MEGF8: variants seen among roughly 807,000 people sequenced by gnomAD.
The protein encoded by MEGF8 is multiple EGF like domains 8.
A neutral mutation model predicts 302.9 loss-of-function variants in MEGF8; 156 were observed. The ratio of observed to expected loss-of-function variants is 0.52; its 90% CI spans 0.45 to 0.59. MEGF8 has a LOEUF of 0.59. MEGF8 is among the 20% of genes least tolerant of loss of function. The pLI is 0.00. For synonymous variants in MEGF8, 1,621 were observed against 1,660.5 expected (o/e 0.98, Z 0.58); for missense variants, 3,345 against 3,964.5 (o/e 0.84, Z 4.20).
In MEGF8 at chr19:42,375,766, C is replaced by A. The variant is rs1453120838; in HGVS notation, c.7529C>A (p.Thr2510Asn). The A allele has an allele frequency of 6.2e-7, 1 of 1,613,042 alleles. No individual in the cohort carries two copies. The highest frequency in any genetic ancestry group is 8.5e-7 in the Non-Finnish European group (1 of 1,179,812). ...CTCTATGTCTCCACCTCCTATGACA[C>A]CTTCGTGGTCCGTGTGGCCCCTGAC... Reference protein sequence around the residue: ...VDLYVSTSYDTFVVRVAPDTG... With the variant: ...VDLYVSTSYDNFVVRVAPDTG... The change falls in exon 42 of 42, where the codon ACC becomes AAC. Residue 2510 changes from threonine (T) to asparagine (N), a missense_variant. By Grantham distance (65) the Thr-to-Asn change is moderately conservative. Coordinates refer to ENST00000251268, the MANE Select transcript of MEGF8 (RefSeq NM_001271938.2). The surrounding 1 kb of genome is among the most constrained non-coding windows in gnomAD (Gnocchi z 7.1).
Position 42,353,228 on chromosome 19 carries a change from A to C in MEGF8, c.3550+101A>C. The C allele has an allele frequency of 8.5e-7, 1 of 1,175,608 alleles. No individual in the cohort carries two copies. The highest frequency in any genetic ancestry group is 1.2e-6 in the Non-Finnish European group (1 of 850,822). 72.8% of individuals were successfully genotyped at this position (1,175,608 alleles called of 1,614,324 possible). The stretch of plus-strand genomic sequence containing the variant: ...TTGGAGGGGGCCTCAGTGTCCTCTC[A>C]TGCAGCTCTAGGTCCCCTGCCCCAT... On this transcript the variant is annotated intron_variant, in intron 20 of 41. Transcript: ENST00000251268. The surrounding 1 kb of genome is among the most constrained non-coding windows in gnomAD (Gnocchi z 6.1).
chr19:42,335,474 C>A, intron 5 of MEGF8, 89 bp downstream of exon 5: 2 of 1,176,034 alleles, frequency 1.7e-6, no homozygotes, highest in Non-Finnish European at 2.5e-6. Context: ...TCACCTAGTG[C>A]TCCCACAGTT....
At chr19:42,326,453 C>G in intron 1 of MEGF8, 23 bp downstream of exon 1, 1 of 1,506,528 alleles carries the variant, frequency 6.6e-7, no homozygotes, top group Non-Finnish European at 8.8e-7. Context: ...GCGTGGGTCA[C>G]TCACTAATTC....
At chr19:42,366,845 A>G (rs1349602783) in intron 35 of MEGF8, among the ~76,000 whole-genome samples, 4 of 152,166 alleles carry the variant, frequency 2.6e-5, no homozygotes, top group South Asian at 4.1e-4. Context: ...TTGTCCCACC[A>G]TCTGCCAACA....
chr19:42,343,928 C>G (rs756491938), intron 9 of MEGF8, 26 bp from the exon 10 acceptor site: 2 of 1,606,798 alleles, frequency 1.2e-6, no homozygotes, highest in African/African-American at 1.3e-5. Flanking sequence ...CCTTGCCTCC[C>G]CCTCTGTCCC....
At position 42,370,368 on chromosome 19, in the gene MEGF8, G is replaced by C; in HGVS notation, c.7005+9G>C. 1 of 1,559,420 alleles carries C rather than the reference G, an allele frequency of 6.4e-7. No homozygotes were observed. Among genetic ancestry groups the C allele is most frequent in the Non-Finnish European group, 8.7e-7 (1 of 1,152,014 alleles). ...CACTGGACCCAGAGGAGGTGAAAGAGAGGGGTCAGATGCCTGGGTCTGAGG... is the reference window on the plus strand; with the variant it reads ...CACTGGACCCAGAGGAGGTGAAAGACAGGGGTCAGATGCCTGGGTCTGAGG... On this transcript the variant is annotated intron_variant, in intron 39 of 41. Transcript: ENST00000251268.
In MEGF8 at chr19:42,370,735, A is replaced by G; in HGVS notation, c.7040A>G (p.Asp2347Gly). The change falls in exon 40 of 42, where the codon GAC becomes GGC. Residue 2347 changes from aspartate (D) to glycine (G), a missense_variant. Physicochemically the swap from Asp to Gly is moderately conservative, Grantham distance 94. Transcript: ENST00000251268. ...ENWVTEGPSE[D>G]EAVCVNCQNN... ...TGGGTGACAGAGGGTCCTAGTGAAGACGAGGCCGTGTGCGTGAACTGCCAG... is the reference window on the plus strand; with the variant it reads ...TGGGTGACAGAGGGTCCTAGTGAAGGCGAGGCCGTGTGCGTGAACTGCCAG... 2 of 1,589,126 alleles carry G rather than the reference A, an allele frequency of 1.3e-6. No individual in the cohort carries two copies. The highest frequency in any genetic ancestry group is 1.7e-6 in the Non-Finnish European group (2 of 1,167,914).
Position 42,350,292 on chromosome 19 carries a change from G to T in MEGF8, c.2644G>T (p.Gly882Trp). 1 of 1,609,592 alleles carries T rather than the reference G, an allele frequency of 6.2e-7. No individual in the cohort carries two copies. The change falls in exon 15 of 42, where the codon GGG (glycine) becomes TGG (tryptophan). Residue 882 changes from glycine (G) to tryptophan (W), a missense_variant. Coordinates refer to ENST00000251268, the MANE Select transcript of MEGF8 (RefSeq NM_001271938.2). ...CCTGCGCCAGGGCGGAGCCCATTGCGGGGATGACGGGGCTGGTGGGTCCCT... is the reference window on the plus strand; with the variant it reads ...CCTGCGCCAGGGCGGAGCCCATTGCTGGGATGACGGGGCTGGTGGGTCCCT... ...CHLRQGGAHCGDDGAGGSLLV... is the reference protein window; with the variant it reads ...CHLRQGGAHCWDDGAGGSLLV...
intron 40 of MEGF8, among the ~76,000 whole-genome samples, chr19:42,371,130 CCTT>C (rs982224133): frequency 3.9e-5 from 6 of 152,024 alleles, no homozygotes; most frequent in East Asian, 1.9e-4. Context: ...CTTTCCATCT[CCTT>C]CTTTCTGAGT....
Position 42,349,558 on chromosome 19 carries a change from T to C in MEGF8, c.2358T>C (p.Pro786=). The change falls in exon 14 of 42, where the codon CCT becomes CCC. Residue 786 remains proline (P), a synonymous_variant. Transcript: ENST00000251268. The part of the protein sequence containing the change: ...QEKETRRLQR[P]GSARLFPLPG... Reference sequence around the variant, plus strand: ...AGGAGACGCGGCGGCTGCAGCGCCCTGGGTCTGCTCGCCTCTTCCCTCTGC... The same window carrying C: ...AGGAGACGCGGCGGCTGCAGCGCCCCGGGTCTGCTCGCCTCTTCCCTCTGC... 1.2e-6 allele frequency: 2 copies of C among 1,612,062 alleles called. No individual in the cohort carries two copies. The highest frequency in any genetic ancestry group is 1.7e-6 in the Non-Finnish European group (2 of 1,179,816).
Position 42,376,728 on chromosome 19 carries a change from C to G in MEGF8, c.8491C>G (p.Arg2831Gly), listed in dbSNP as rs763261685. The change falls in exon 42 of 42, where the codon CGG (arginine) becomes GGG (glycine). Residue 2831 changes from arginine to glycine, a missense_variant. Physicochemically the swap from Arg to Gly is moderately radical, Grantham distance 125. Transcript: ENST00000251268. This position sits in a 1 kb window ranked among gnomAD's most constrained non-coding sequence, Gnocchi z 8.2. ...GGSGHGTGAG[R>G]KGLLSQDNLT... ...CAGTGGGCATGGGACTGGTGCGGGCCGGAAGGGACTGTTGAGCCAGGACAA... is the reference window on the plus strand; with the variant it reads ...CAGTGGGCATGGGACTGGTGCGGGCGGGAAGGGACTGTTGAGCCAGGACAA... The G allele has an allele frequency of 1.3e-6, 2 of 1,481,652 alleles. No individual in the cohort carries two copies. Among genetic ancestry groups the G allele is most frequent in the Non-Finnish European group, 1.8e-6 (2 of 1,117,126 alleles). 91.8% of individuals were successfully genotyped at this position (1,481,652 alleles called of 1,614,324 possible).
Position 42,354,828 on chromosome 19 carries a change from G to C in MEGF8, c.4144+108G>C. ...AGGACCCAGCTCTGCCGCTGCTTAT[G>C]GGGTGATGTAGTCCCTCACCATCTC... On this transcript the variant is annotated intron_variant, in intron 23 of 41. Transcript: ENST00000251268. This position sits in a 1 kb window ranked among gnomAD's most constrained non-coding sequence, Gnocchi z 4.3. 1 of 1,237,260 alleles carries C rather than the reference G, an allele frequency of 8.1e-7. No homozygotes were observed. Among genetic ancestry groups the C allele is most frequent in the Admixed American group, 2.7e-5 (1 of 37,584 alleles). 76.6% of individuals were successfully genotyped at this position (1,237,260 alleles called of 1,614,324 possible).
At chr19:42,340,895 T>A (rs2147458727) in intron 8 of MEGF8, among the ~76,000 whole-genome samples, 1 of 150,612 alleles carries the variant, frequency 6.6e-6, no homozygotes, top group South Asian at 2.1e-4. Context: ...CTTGAAGTCC[T>A]GACCTTAAGT....
Position 42,365,597 on chromosome 19 carries a change from T to C in MEGF8, c.6273+2335T>C, listed in dbSNP as rs533090123. Reference sequence around the variant, plus strand: ...CCTGGGCAACATAGCAAGACCCTCATCTCTACAAAAAAAAAAAAAAAAAAA... The same window carrying C: ...CCTGGGCAACATAGCAAGACCCTCACCTCTACAAAAAAAAAAAAAAAAAAA... On this transcript the variant is annotated intron_variant, in intron 35 of 41. Coordinates refer to ENST00000251268, the MANE Select transcript of MEGF8 (RefSeq NM_001271938.2). Among the ~76,000 whole-genome samples the C allele has an allele frequency of 2.9e-5, 4 of 138,742 alleles. No individual in the cohort carries two copies. The South Asian group carries it at 9.1e-4, about 32-fold the overall frequency. 91.0% of individuals were successfully genotyped at this position (138,742 alleles called of 152,430 possible). A position where few individuals can be genotyped will look rare whatever the true frequency, so the allele number is the denominator to read the frequency against.
At chr19:42,343,333 G>A in intron 8 of MEGF8, 144 bp from the exon 9 acceptor site, 2 of 815,508 alleles carry the variant, frequency 2.5e-6, no homozygotes, top group Non-Finnish European at 3.7e-6. Context: ...GGGCCAGGTG[G>A]GCTGGGAGAG....
intron 1 of MEGF8, among the ~76,000 whole-genome samples, chr19:42,333,140 C>T (rs1044214518): frequency 6.6e-6 from 1 of 152,202 alleles, no homozygotes; most frequent in South Asian, 2.1e-4. Flanking sequence ...TCTTGCAGCT[C>T]TATTCAGCGT....
At position 42,344,449 on chromosome 19, in the gene MEGF8, C is replaced by T. The variant is rs749153853; in HGVS notation, c.1797C>T (p.Ala599=). Residue 599 remains alanine, a synonymous_variant, in exon 11 of 42, where the codon GCC becomes GCT. Coordinates refer to ENST00000251268, the MANE Select transcript of MEGF8 (RefSeq NM_001271938.2). The surrounding 1 kb of genome is among the most constrained non-coding windows in gnomAD (Gnocchi z 4.5). Reference sequence around the variant, plus strand: ...CCCTCTCCTCCTCGCAGTGTCCAGCCGCCAGCTGCCTGGGCCTGGGCCGCC... The same window carrying T: ...CCCTCTCCTCCTCGCAGTGTCCAGCTGCCAGCTGCCTGGGCCTGGGCCGCC... ...PPGTPLGACP[A]ASCLGLGRLL... 3.1e-5 allele frequency: 50 copies of T among 1,590,880 alleles called. No homozygotes were observed. The Admixed American group carries it at 5.7e-4, about 18-fold the overall frequency.
chr19:42,339,229 A>G (rs2039179348), intron 8 of MEGF8, among the ~76,000 whole-genome samples: 1 of 152,146 alleles, frequency 6.6e-6, no homozygotes. Context: ...TACACGTTAG[A>G]ACAATTTATA....
Position 42,368,671 on chromosome 19 carries a change from G to T in MEGF8, c.6481+9G>T. 1 of 1,537,392 alleles carries T rather than the reference G, an allele frequency of 6.5e-7. No individual in the cohort carries two copies. The highest frequency in any genetic ancestry group is 8.8e-7 in the Non-Finnish European group (1 of 1,142,298). On this transcript the variant is annotated intron_variant, in intron 36 of 41. Coordinates refer to ENST00000251268, the MANE Select transcript of MEGF8 (RefSeq NM_001271938.2). The surrounding 1 kb of genome is among the most constrained non-coding windows in gnomAD (Gnocchi z 4.9). ...CAGCGGCCCCCGTGATGGTGAGAGG[G>T]CTTTGGGCACTGGGGGAGAGGGGCT...
Sources: gnomAD v4.1 joint callset for allele counts (sites outside exome capture counted in the v4.1 genomes callset) on GRCh38, gnomAD v4.1.1 for gene constraint, Gnocchi (gnomAD v3.1) non-coding constraint, MANE v1.5 for transcripts, NCBI Gene and HGNC (gene_info 2026-07-23, HGNC 2026-07-21) for gene names.